Variants in ASH1L observed in about 807,000 individuals in gnomAD.
ASH1L encodes the protein ASH1 like histone lysine methyltransferase.
ASH1L carries 23 observed loss-of-function variants against 269.0 expected under a neutral mutation model. That is an observed-to-expected ratio of 0.09 (90% CI 0.06 to 0.12). The LOEUF (loss-of-function observed/expected upper bound fraction) is 0.12, where lower values mean the gene tolerates loss of function less well. Ranked by LOEUF, ASH1L falls within the 10% of genes least tolerant of loss-of-function variation. ASH1L has a pLI of 1.00. For missense variants in ASH1L, 2,912 were observed against 3,567.8 expected (o/e 0.82, Z 4.68); for synonymous variants, 1,187 against 1,253.5 (o/e 0.95, Z 1.12).
intron 5 of ASH1L, among the ~76,000 whole-genome samples, chr1:155,437,038 A>G (rs1234026961): frequency 2.6e-5 from 4 of 152,168 alleles, no homozygotes; most frequent in African/African-American, 9.6e-5. Flanking sequence ...TCGCTGGTCT[A>G]TATGTCTCTC....
intron 3 of ASH1L, among the ~76,000 whole-genome samples, chr1:155,460,322 T>C (rs1211695050): frequency 6.6e-6 from 1 of 152,132 alleles, no homozygotes; most frequent in Non-Finnish European, 1.5e-5. Context: ...AAAAAGTTGA[T>C]GTGAGGGCCC....
intron 6 of ASH1L, among the ~76,000 whole-genome samples, chr1:155,409,837 T>A (rs1289054164): frequency 2.0e-5 from 3 of 152,036 alleles, no homozygotes; most frequent in African/African-American, 7.2e-5. Context: ...ATGAAGGGCA[T>A]TCTAAAAGAC....
chr1:155,460,519 A>T (rs2148674382), intron 3 of ASH1L, among the ~76,000 whole-genome samples: 1 of 152,260 alleles, frequency 6.6e-6, no homozygotes, highest in South Asian at 2.1e-4. Context: ...GAGGCAGGAG[A>T]ATCGCTTGAA....
intron 25 of ASH1L, among the ~76,000 whole-genome samples, chr1:155,341,013 C>T (rs1305731170): frequency 1.3e-5 from 2 of 152,018 alleles, no homozygotes; most frequent in Non-Finnish European, 2.9e-5. Flanking sequence ...GCTCTGTCAC[C>T]CAAGCTGGAG....
At chr1:155,529,351 C>CTT (rs35984917) in intron 1 of ASH1L, among the ~76,000 whole-genome samples, 1,695 of 134,028 alleles carry the variant, frequency 0.013, 17 homozygotes, top group Non-Finnish European at 0.021. Flanking sequence ...TTGCCAGCAT[C>CTT]TTTTTTTTTT....
chr1:155,446,115 C>T (rs1168051961), intron 4 of ASH1L, among the ~76,000 whole-genome samples: 1 of 150,316 alleles, frequency 6.7e-6, no homozygotes, highest in Non-Finnish European at 1.5e-5. Flanking sequence ...AACTCCTGAC[C>T]TCAAATGATC....
intron 5 of ASH1L, among the ~76,000 whole-genome samples, chr1:155,417,842 C>T (rs762932506): frequency 1.3e-5 from 2 of 152,000 alleles, no homozygotes; most frequent in Non-Finnish European, 2.9e-5. Flanking sequence ...CCCGTAGTCC[C>T]AGCTACTCGG....
At chr1:155,464,732 G>C (rs1284294974) in intron 3 of ASH1L, among the ~76,000 whole-genome samples, 3 of 152,090 alleles carry the variant, frequency 2.0e-5, no homozygotes. Context: ...AAGGAACCTT[G>C]GAAGTGATTT....
chr1:155,462,068 G>A (rs1664344777), intron 3 of ASH1L, among the ~76,000 whole-genome samples: 3 of 152,148 alleles, frequency 2.0e-5, no homozygotes, highest in South Asian at 4.1e-4. Flanking sequence ...CCAAAGTGCT[G>A]GGATTATAGG....
At chr1:155,488,486 G>A (rs1304631279) in intron 2 of ASH1L, among the ~76,000 whole-genome samples, 1 of 126,730 alleles carries the variant, frequency 7.9e-6, no homozygotes, top group Non-Finnish European at 1.6e-5. Context: ...GGTGAAACTC[G>A]CCTATACTAA....
intron 10 of ASH1L, among the ~76,000 whole-genome samples, chr1:155,372,480 C>T (rs529096274): frequency 3.4e-5 from 5 of 146,700 alleles, no homozygotes; most frequent in African/African-American, 1.3e-4. Context: ...AGCTAATTTT[C>T]GTATTTGTAG....
At chr1:155,348,099 C>T (rs1366818569) in intron 19 of ASH1L, among the ~76,000 whole-genome samples, 195 bp from the exon 20 acceptor site, 1 of 152,174 alleles carries the variant, frequency 6.6e-6, no homozygotes, top group Admixed American at 6.6e-5. Context: ...TTAGAATCTG[C>T]ATGTTATTTT....
chr1:155,405,029 AAAAAAT>A (rs1659153100), intron 6 of ASH1L, among the ~76,000 whole-genome samples: 3 of 150,992 alleles, frequency 2.0e-5, no homozygotes, highest in South Asian at 4.2e-4. Flanking sequence ...TCCATCTAAA[AAAAAAT>A]AATAATAATA....
chr1:155,524,253 T>C (rs1669079302), intron 1 of ASH1L, among the ~76,000 whole-genome samples: 1 of 152,180 alleles, frequency 6.6e-6, no homozygotes, highest in Non-Finnish European at 1.5e-5. Context: ...CTGAGCATGG[T>C]GGCTCATGCC....
intron 2 of ASH1L, among the ~76,000 whole-genome samples, chr1:155,497,962 C>T (rs1218462146): frequency 6.6e-6 from 1 of 151,936 alleles, no homozygotes; most frequent in Admixed American, 6.6e-5. Context: ...CCGTGTTAGC[C>T]AGGATGGTCT....
chr1:155,484,693 C>A (rs1452322888), intron 2 of ASH1L, among the ~76,000 whole-genome samples: 1 of 151,642 alleles, frequency 6.6e-6, no homozygotes, highest in Non-Finnish European at 1.5e-5. Flanking sequence ...CTTTTGGAGG[C>A]CGAGGTGGGC....
At chr1:155,522,715 C>A (rs1486843353) in intron 1 of ASH1L, among the ~76,000 whole-genome samples, 1 of 144,194 alleles carries the variant, frequency 6.9e-6, no homozygotes, top group East Asian at 2.0e-4. Context: ...GAGATGGAGT[C>A]TCGCTCTGTC....
intron 3 of ASH1L, among the ~76,000 whole-genome samples, chr1:155,462,427 G>A (rs184047986): frequency 1.3e-5 from 2 of 152,310 alleles, no homozygotes; most frequent in East Asian, 3.9e-4. Flanking sequence ...GATATCCTGA[G>A]AATCACCCTG....
Position 155,370,639 on chromosome 1 carries a change from A to G in ASH1L, c.6551T>C (p.Ile2184Thr). 2.5e-6 allele frequency: 4 copies of G among 1,614,186 alleles called. No individual in the cohort carries two copies. Among genetic ancestry groups the G allele is most frequent in the Non-Finnish European group, 3.4e-6 (4 of 1,180,032 alleles). Residue 2184 changes from isoleucine to threonine, a missense_variant, in exon 12 of 28, where the codon ATT (isoleucine) becomes ACT (threonine). By Grantham distance (89) the Ile-to-Thr change is moderately conservative. Coordinates refer to ENST00000392403, the MANE Select transcript of ASH1L (RefSeq NM_018489.3). ...GTCACTGTGATTATGATACTGCTCAATCATCCTGTTCCTAAAGAGAAGATA... is the reference window on the plus strand; with the variant it reads ...GTCACTGTGATTATGATACTGCTCAGTCATCCTGTTCCTAAAGAGAAGATA... Reference protein sequence around the residue: ...VSEQEFRNRMIEQYHNHSDHY... With the variant: ...VSEQEFRNRMTEQYHNHSDHY...
Sources: gnomAD v4.1 joint callset for allele counts (sites outside exome capture counted in the v4.1 genomes callset) on GRCh38, gnomAD v4.1.1 for gene constraint, MANE v1.5 for transcripts, NCBI Gene and HGNC (gene_info 2026-07-23, HGNC 2026-07-21) for gene names.